The following TTC7B variants were observed in gnomAD, a reference collection of about 807,000 sequenced individuals.
TTC7B encodes tetratricopeptide repeat domain 7B.
A neutral mutation model predicts 106.8 loss-of-function variants in TTC7B; 28 were observed. The observed-to-expected ratio is 0.26, with a 90% CI of 0.19 to 0.36. The LOEUF (loss-of-function observed/expected upper bound fraction) is 0.36, where lower values mean the gene tolerates loss of function less well. TTC7B is among the 10% of genes least tolerant of loss of function. The probability of loss-of-function intolerance (pLI) is 1.00; values close to 1 mark genes in which losing one functional copy is unlikely to be tolerated. For synonymous variants in TTC7B, 405 were observed against 430.6 expected, an observed-to-expected ratio of 0.94 and a Z score of 0.74; for missense variants, 862 against 1,076.4, an observed-to-expected ratio of 0.80 and a Z score of 2.79.
Position 90,802,883 on chromosome 14 carries a change from G to A in TTC7B, c.121+13292C>T, listed in dbSNP as rs1291991663. On this transcript the variant is annotated intron_variant, in intron 1 of 19. Transcript: ENST00000328459. The surrounding 1 kb of genome is among the most constrained non-coding windows in gnomAD (Gnocchi z 4.7). Reference sequence around the variant, plus strand: ...AGGCCGGGCACGGTGGCTCACGCCTGTAATCCCAGCACTTTGGGAGGCCGA... The same window carrying A: ...AGGCCGGGCACGGTGGCTCACGCCTATAATCCCAGCACTTTGGGAGGCCGA... Among the ~76,000 whole-genome samples, 1 of 151,820 alleles carries A rather than the reference G, an allele frequency of 6.6e-6. No individual in the cohort carries two copies. Among genetic ancestry groups the A allele is most frequent in the African/African-American group, 2.4e-5 (1 of 41,298 alleles).
intron 3 of TTC7B, among the ~76,000 whole-genome samples, chr14:90,780,429 A>AAGAG (rs1172485824): frequency 6.3e-4 from 79 of 124,876 alleles, no homozygotes; most frequent in Non-Finnish European, 1.1e-3. Flanking sequence ...GAAAGAAAGA[A>AAGAG]AGAGAGAGAG....
intron 3 of TTC7B, among the ~76,000 whole-genome samples, chr14:90,773,481 C>T (rs1451973149): frequency 2.6e-5 from 4 of 152,154 alleles, no homozygotes; most frequent in African/African-American, 9.7e-5. Context: ...GAAAAGCAGC[C>T]TCTTAACCCC....
chr14:90,712,472 T>G (rs1485892496), intron 5 of TTC7B, among the ~76,000 whole-genome samples: 1 of 152,104 alleles, frequency 6.6e-6, no homozygotes, highest in Non-Finnish European at 1.5e-5. Context: ...TATATAAAAA[T>G]CAAAAGTTTT....
At chr14:90,573,297 G>T (rs897790006) in intron 19 of TTC7B, among the ~76,000 whole-genome samples, 1 of 152,144 alleles carries the variant, frequency 6.6e-6, no homozygotes, top group African/African-American at 2.4e-5. Context: ...GCAGGGTGGG[G>T]GCTCCATCTC....
intron 3 of TTC7B, chr14:90,766,425 A>T (rs1462380883): frequency 1.8e-6 from 1 of 561,460 alleles, no homozygotes; most frequent in African/African-American, 1.9e-5. Context: ...CAAGAAAATG[A>T]TGTATGAACA....
chr14:90,726,543 T>C (rs1301248762), intron 5 of TTC7B, among the ~76,000 whole-genome samples: 1 of 152,168 alleles, frequency 6.6e-6, no homozygotes, highest in East Asian at 1.9e-4. Context: ...AAGTCACAAT[T>C]TACCTCCTGC....
chr14:90,573,510 C>CCTCTCCGGCTCACGGTCT (rs1249472913), intron 19 of TTC7B, among the ~76,000 whole-genome samples: 1 of 133,264 alleles, frequency 7.5e-6, no homozygotes, highest in Non-Finnish European at 1.6e-5. Flanking sequence ...GCTCACGGTC[C>CCTCTCCGGCTCACGGTCT]CTCTCCGGCT....
intron 9 of TTC7B, among the ~76,000 whole-genome samples, chr14:90,659,007 G>C (rs1886071702): frequency 6.6e-6 from 1 of 152,172 alleles, no homozygotes; most frequent in Non-Finnish European, 1.5e-5. Context: ...GGAAGACCCT[G>C]ATGGAGGCAG....
At chr14:90,794,978 C>T (rs1235117221) in intron 1 of TTC7B, among the ~76,000 whole-genome samples, 1 of 152,010 alleles carries the variant, frequency 6.6e-6, no homozygotes, top group Non-Finnish European at 1.5e-5. Flanking sequence ...CAATTCAGAA[C>T]CCACTAGCAA....
Position 90,570,220 on chromosome 14 carries a change from A to C in TTC7B, c.2310+7886T>G, listed in dbSNP as rs1281862214. 6.6e-6 allele frequency among the ~76,000 whole-genome samples: 1 copy of C among 152,054 alleles called. No homozygotes were observed. The highest frequency in any genetic ancestry group is 1.5e-5 in the Non-Finnish European group (1 of 68,036). On this transcript the variant is annotated intron_variant, in intron 19 of 19. Transcript: ENST00000328459. This position sits in a 1 kb window ranked among gnomAD's most constrained non-coding sequence, Gnocchi z 4.0. ...ATACACTGACATCCCACTGTGCTGG[A>C]GTGTTCCATTAATCAGCCTGACCAA...
chr14:90,668,342 G>T (rs770169144), intron 9 of TTC7B, among the ~76,000 whole-genome samples: 2 of 152,174 alleles, frequency 1.3e-5, no homozygotes, highest in African/African-American at 2.4e-5. Context: ...TGAGGTAGGA[G>T]CTCAGAGTAG....
At chr14:90,744,671 C>T (rs1566866967) in intron 4 of TTC7B, 121 bp downstream of exon 4, 1 of 1,046,864 alleles carries the variant, frequency 9.6e-7, no homozygotes, top group Non-Finnish European at 1.4e-6. Flanking sequence ...TTAAGGAGTA[C>T]AAGTAAAGCT....
chr14:90,572,833 C>T (rs1891084257), intron 19 of TTC7B, among the ~76,000 whole-genome samples: 1 of 152,168 alleles, frequency 6.6e-6, no homozygotes, highest in Non-Finnish European at 1.5e-5. Flanking sequence ...ATCCAAGCTC[C>T]CTGCCAAATG....
chr14:90,610,873 C>T, intron 16 of TTC7B, 34 bp from the exon 17 acceptor site: 2 of 1,499,932 alleles, frequency 1.3e-6, no homozygotes, highest in Non-Finnish European at 9.3e-7. Context: ...CAGTCACCTG[C>T]AAGGTGGGAG....
At chr14:90,692,429 A>T (rs1887511882) in intron 6 of TTC7B, among the ~76,000 whole-genome samples, 1 of 152,234 alleles carries the variant, frequency 6.6e-6, no homozygotes, top group African/African-American at 2.4e-5. Context: ...AGAATATTAT[A>T]AATTTGCAAT....
chr14:90,559,953 T>C (rs1890498384), intron 19 of TTC7B, among the ~76,000 whole-genome samples: 1 of 152,236 alleles, frequency 6.6e-6, no homozygotes, highest in Non-Finnish European at 1.5e-5. Context: ...GCCACCATCC[T>C]GGGCAATTCC....
rs1478953749 is a variant in TTC7B, at chr14:90,740,721, C to T, written c.576+4071G>A. Among the ~76,000 whole-genome samples, 7 of 152,034 alleles carry T rather than the reference C, an allele frequency of 4.6e-5. No individual in the cohort carries two copies. The South Asian group carries it at 8.3e-4, about 18-fold the overall frequency. On this transcript the variant is annotated intron_variant, in intron 4 of 19. Transcript: ENST00000328459. ...TTCACCTTGTTGGCCAGGCTGGTCT[C>T]GAACTCCTGACATCAGGTGATCCGC...
At position 90,529,192 on chromosome 14, in the gene TTC7B, C is replaced by T. The variant is rs1046909909; in HGVS notation, c.*12176G>A. ...TTTCTGATGGCGTGACCTGACTGCG[C>T]TTTGTTACCTCTTTCCGATAGCGGG... On this transcript the variant is annotated 3_prime_UTR_variant, in exon 20 of 20. Transcript: ENST00000328459. 1.3e-5 allele frequency: 2 copies of T among 153,486 alleles called. No individual in the cohort carries two copies. Among genetic ancestry groups the T allele is most frequent in the African/African-American group, 4.8e-5 (2 of 41,450 alleles). 9.5% of individuals were successfully genotyped at this position (153,486 alleles called of 1,614,324 possible).
chr14:90,737,546 G>GT (rs71461922), intron 4 of TTC7B, among the ~76,000 whole-genome samples: 4,826 of 91,510 alleles, frequency 0.053, 299 homozygotes, highest in African/African-American at 0.071. Flanking sequence ...GTATGATTCT[G>GT]TTTTTTTTTT....
Sources: allele counts gnomAD v4.1 joint callset (sites outside exome capture counted in the v4.1 genomes callset), GRCh38; gene constraint gnomAD v4.1.1; non-coding constraint Gnocchi (gnomAD v3.1); transcripts MANE v1.5; gene names NCBI Gene and HGNC (gene_info 2026-07-23, HGNC 2026-07-21).